The following EPHA5 variants were observed in gnomAD, a reference collection of about 807,000 sequenced individuals.
The protein encoded by EPHA5 is EPH receptor A5.
A neutral mutation model predicts 105.0 loss-of-function variants in EPHA5; 60 were observed. The observed-to-expected ratio is 0.57, with a 90% CI of 0.46 to 0.71. The LOEUF (loss-of-function observed/expected upper bound fraction) is 0.71. EPHA5 is among the 30% of genes least tolerant of loss of function. The pLI, the probability that EPHA5 is intolerant of heterozygous loss-of-function variation, is 0.00. For missense variants in EPHA5, 1,218 were observed against 1,274.7 expected (o/e 0.96, Z 0.68); for synonymous variants, 513 against 449.1 (o/e 1.14, Z -1.80).
At chr4:65,438,882 T>A (rs1274726318) in intron 5 of EPHA5, among the ~76,000 whole-genome samples, 1 of 151,910 alleles carries the variant, frequency 6.6e-6, no homozygotes, top group African/African-American at 2.4e-5. Context: ...GAAAAAGGAG[T>A]GAGAACTTAG....
At chr4:65,532,423 A>G (rs970246598) in intron 3 of EPHA5, among the ~76,000 whole-genome samples, 3 of 151,972 alleles carry the variant, frequency 2.0e-5, no homozygotes, top group Admixed American at 1.3e-4. Flanking sequence ...TTCAGGTACC[A>G]GGTGTTATTA....
chr4:65,405,793 G>T (rs1181370567), intron 7 of EPHA5, among the ~76,000 whole-genome samples: 1 of 152,038 alleles, frequency 6.6e-6, no homozygotes, highest in Non-Finnish European at 1.5e-5. Flanking sequence ...CAGTATAAAT[G>T]AGGTAGGAAA....
At position 65,383,257 on chromosome 4, in the gene EPHA5, A is replaced by T. The variant is rs573329126; in HGVS notation, c.1794-15833T>A. Among the ~76,000 whole-genome samples the T allele has an allele frequency of 4.6e-5, 7 of 150,660 alleles. No individual in the cohort carries two copies. The South Asian group carries it at 1.5e-3, about 31-fold the overall frequency. On this transcript the variant is annotated intron_variant, in intron 8 of 16. Coordinates refer to ENST00000613740, the MANE Select transcript of EPHA5 (RefSeq NM_001281766.3). The stretch of plus-strand genomic sequence containing the variant: ...CACACACACACACACATATACATTA[A>T]TCAGGTCCAATTCCATTAAGAAAAT...
intron 3 of EPHA5, among the ~76,000 whole-genome samples, chr4:65,557,152 T>C (rs1738527707): frequency 6.7e-6 from 1 of 148,734 alleles, no homozygotes; most frequent in Non-Finnish European, 1.5e-5. Context: ...GGACTAAAGA[T>C]GAAACCAGAT....
chr4:65,458,405 A>G (rs1041685827), intron 5 of EPHA5, among the ~76,000 whole-genome samples: 2 of 152,274 alleles, frequency 1.3e-5, no homozygotes, highest in African/African-American at 2.4e-5. Flanking sequence ...TGACAATGCT[A>G]CTTCTCTGCC....
intron 8 of EPHA5, among the ~76,000 whole-genome samples, chr4:65,386,715 CA>C (rs2148943961): frequency 6.6e-6 from 1 of 151,732 alleles, no homozygotes; most frequent in East Asian, 1.9e-4. Flanking sequence ...GTAAAAAAAA[CA>C]GAAAACAAAA....
At chr4:65,456,317 C>T (rs1578155723) in intron 5 of EPHA5, among the ~76,000 whole-genome samples, 1 of 144,818 alleles carries the variant, frequency 6.9e-6, no homozygotes, top group African/African-American at 2.5e-5. Context: ...TTACTCTGTT[C>T]TTCGATTTTT....
intron 15 of EPHA5, among the ~76,000 whole-genome samples, chr4:65,332,933 T>A (rs1720779602): frequency 6.6e-6 from 1 of 151,898 alleles, no homozygotes; most frequent in Admixed American, 6.6e-5. Flanking sequence ...TATTTTACAC[T>A]TTTACATAGA....
chr4:65,639,705 G>T (rs1027440560), intron 2 of EPHA5, among the ~76,000 whole-genome samples: 1 of 152,030 alleles, frequency 6.6e-6, no homozygotes, highest in African/African-American at 2.4e-5. Flanking sequence ...CTTCTTCTGA[G>T]ACTCCCATTA....
At chr4:65,616,644 T>TG (rs1745266698) in intron 2 of EPHA5, among the ~76,000 whole-genome samples, 1 of 152,018 alleles carries the variant, frequency 6.6e-6, no homozygotes, top group African/African-American at 2.4e-5. Flanking sequence ...ATAAAGAGTA[T>TG]GGGAAAACAG....
chr4:65,607,776 AT>A (rs1744379993), intron 2 of EPHA5, among the ~76,000 whole-genome samples: 1 of 152,194 alleles, frequency 6.6e-6, no homozygotes, highest in Non-Finnish European at 1.5e-5. Flanking sequence ...CACTGTGGCA[AT>A]TCCTCAAGGA....
Position 65,387,917 on chromosome 4 carries a change from T to C in EPHA5, c.1793+16457A>G, listed in dbSNP as rs1720273589. On this transcript the variant is annotated intron_variant, in intron 8 of 16. Transcript: ENST00000613740. ...GAGCCATGCTGGTGTGCTGCACCCA[T>C]TAACTTGTCATTTAGCATTAGGTAT... Among the ~76,000 whole-genome samples, 2 of 146,852 alleles carry C rather than the reference T, an allele frequency of 1.4e-5. 1 individual carries two copies. The highest frequency in any genetic ancestry group is 4.5e-4 in the South Asian group (2 of 4,488).
At chr4:65,494,900 T>C (rs1319527866) in intron 4 of EPHA5, among the ~76,000 whole-genome samples, 3 of 151,798 alleles carry the variant, frequency 2.0e-5, no homozygotes, top group Non-Finnish European at 4.4e-5. Flanking sequence ...TAGAACAAGA[T>C]GGTGAAGGCT....
At chr4:65,507,642 G>A (rs895276799) in intron 3 of EPHA5, among the ~76,000 whole-genome samples, 1 of 152,050 alleles carries the variant, frequency 6.6e-6, no homozygotes, top group Non-Finnish European at 1.5e-5. Context: ...GTGAATGGGA[G>A]TTCACTCATG....
chr4:65,454,363 G>A (rs1008922211), intron 5 of EPHA5, among the ~76,000 whole-genome samples: 1 of 152,036 alleles, frequency 6.6e-6, no homozygotes, highest in Non-Finnish European at 1.5e-5. Flanking sequence ...TGGAAGAAAG[G>A]TAATTTATTC....
intron 11 of EPHA5, among the ~76,000 whole-genome samples, chr4:65,357,769 T>C (rs1723442347): frequency 6.6e-6 from 1 of 151,354 alleles, no homozygotes; most frequent in Admixed American, 6.6e-5. Flanking sequence ...TGTGTAGGGG[T>C]AATAATACTG....
At chr4:65,419,813 A>G (rs1723767638) in intron 6 of EPHA5, among the ~76,000 whole-genome samples, 1 of 152,168 alleles carries the variant, frequency 6.6e-6, no homozygotes, top group African/African-American at 2.4e-5. Flanking sequence ...AATTCAGAAA[A>G]GAGGAAAAGA....
At chr4:65,434,306 A>ATT (rs34971023) in intron 5 of EPHA5, among the ~76,000 whole-genome samples, 1 of 151,676 alleles carries the variant, frequency 6.6e-6, no homozygotes, top group Non-Finnish European at 1.5e-5. Context: ...GGTTGTGGAC[A>ATT]TTTTTTTTAA....
chr4:65,534,241 T>A (rs1196551502), intron 3 of EPHA5, among the ~76,000 whole-genome samples: 2 of 152,144 alleles, frequency 1.3e-5, no homozygotes, highest in African/African-American at 4.8e-5. Flanking sequence ...TTTACACTTA[T>A]AAACTTTTAA....
Sources: gnomAD v4.1 joint callset for allele counts (sites outside exome capture counted in the v4.1 genomes callset) on GRCh38, gnomAD v4.1.1 for gene constraint, MANE v1.5 for transcripts, NCBI Gene and HGNC (gene_info 2026-07-23, HGNC 2026-07-21) for gene names.